Variants in ATG7 observed in about 807,000 individuals in gnomAD.
The protein encoded by ATG7 is autophagy related 7.
In ATG7, 70 loss-of-function variants were observed where a neutral mutation model predicts 82.4. The ratio of observed to expected loss-of-function variants is 0.85; its 90% CI spans 0.70 to 1.04. The LOEUF (loss-of-function observed/expected upper bound fraction) is 1.04, where lower values mean the gene tolerates loss of function less well. ATG7 is among the 50% of genes least tolerant of loss of function. The pLI is 0.00. For synonymous variants in ATG7, 287 were observed against 313.0 expected (o/e 0.92, Z 0.88); for missense variants, 792 against 864.3 (o/e 0.92, Z 1.05).
intron 19 of ATG7, among the ~76,000 whole-genome samples, chr3:11,426,191 C>T (rs541137041): frequency 2.9e-4 from 44 of 152,240 alleles, no homozygotes; most frequent in Non-Finnish European, 5.3e-4. Flanking sequence ...CACATCCTTG[C>T]CAGCACTTGG....
intron 20 of ATG7, among the ~76,000 whole-genome samples, chr3:11,511,965 G>C (rs563875594): frequency 6.6e-6 from 1 of 152,212 alleles, no homozygotes; most frequent in East Asian, 1.9e-4. Context: ...CCTGGTTCCC[G>C]CTCGTGCCTC....
At chr3:11,538,890 G>T (rs1052307222) in intron 20 of ATG7, among the ~76,000 whole-genome samples, 7 of 149,286 alleles carry the variant, frequency 4.7e-5, no homozygotes, top group Non-Finnish European at 8.9e-5. Context: ...AAAAGAAAAA[G>T]AAAAAGCCCT....
At chr3:11,491,578 C>G (rs1372264647) in intron 20 of ATG7, among the ~76,000 whole-genome samples, 1 of 152,244 alleles carries the variant, frequency 6.6e-6, no homozygotes. Flanking sequence ...TTTTTCTGCT[C>G]TGTTTTTTCC....
At chr3:11,550,519 C>CTGAGT (rs2071677117) in intron 20 of ATG7, among the ~76,000 whole-genome samples, 1 of 152,096 alleles carries the variant, frequency 6.6e-6, no homozygotes, top group African/African-American at 2.4e-5. Context: ...CTCCTATCTC[C>CTGAGT]TGAGTTGCTG....
intron 20 of ATG7, among the ~76,000 whole-genome samples, chr3:11,506,423 T>G (rs1338743188): frequency 6.6e-6 from 1 of 152,112 alleles, no homozygotes; most frequent in South Asian, 2.1e-4. Context: ...ATAAAACATT[T>G]CCATCATTGG....
intron 3 of ATG7, among the ~76,000 whole-genome samples, chr3:11,291,864 C>G (rs534943165): frequency 6.6e-6 from 1 of 152,294 alleles, no homozygotes; most frequent in African/African-American, 2.4e-5. Context: ...CTAGGAACAT[C>G]AGCCATGCAG....
the ATG7 span, among the ~76,000 whole-genome samples, chr3:11,570,863 A>G: frequency 6.6e-6 from 1 of 152,202 alleles, no homozygotes; most frequent in Non-Finnish European, 1.5e-5. Flanking sequence ...GAGTGAACTC[A>G]TCACCGTGGC....
chr3:11,433,070 T>C (rs537163246), intron 20 of ATG7, among the ~76,000 whole-genome samples: 2 of 152,040 alleles, frequency 1.3e-5, no homozygotes, highest in East Asian at 1.9e-4. Context: ...GTTGGGAGGA[T>C]TGCTTGGGTC....
intron 19 of ATG7, among the ~76,000 whole-genome samples, chr3:11,395,808 T>C (rs1054033684): frequency 2.4e-4 from 36 of 151,284 alleles, no homozygotes; most frequent in East Asian, 7.8e-4. Flanking sequence ...GGCGTGGTGG[T>C]GGGCGCCTGT....
chr3:11,406,135 G>A (rs1286875265), intron 19 of ATG7, among the ~76,000 whole-genome samples: 3 of 151,838 alleles, frequency 2.0e-5, no homozygotes, highest in Admixed American at 6.6e-5. Flanking sequence ...GACTATAGGC[G>A]CACATCCCCA....
chr3:11,478,491 G>A (rs2088525056), intron 20 of ATG7, among the ~76,000 whole-genome samples: 1 of 152,146 alleles, frequency 6.6e-6, no homozygotes, highest in Admixed American at 6.5e-5. Context: ...ACATTATCAT[G>A]AGGGATTTGG....
At chr3:11,345,744 T>A (rs1039770777) in intron 13 of ATG7, among the ~76,000 whole-genome samples, 25 of 152,234 alleles carry the variant, frequency 1.6e-4, no homozygotes, top group African/African-American at 5.5e-4. Flanking sequence ...GCTTTCAGAT[T>A]CGTAAATATC....
At chr3:11,323,179 T>C (rs1229778959) in intron 9 of ATG7, among the ~76,000 whole-genome samples, 1 of 152,204 alleles carries the variant, frequency 6.6e-6, no homozygotes, top group Admixed American at 6.5e-5. Flanking sequence ...GAGGTAGGAA[T>C]AGTCCTGTTT....
At chr3:11,414,218 A>G (rs2081168895) in intron 19 of ATG7, among the ~76,000 whole-genome samples, 1 of 152,082 alleles carries the variant, frequency 6.6e-6, no homozygotes, top group Admixed American at 6.5e-5. Flanking sequence ...GGTGCACACC[A>G]CCACACCTAG....
the ATG7 span, among the ~76,000 whole-genome samples, chr3:11,574,785 A>ATGTGTGTGTGTGTGTG: frequency 1.1e-3 from 138 of 121,772 alleles, no homozygotes; most frequent in East Asian, 9.7e-3. Context: ...TCAACTATAT[A>ATGTGTGTGTGTGTGTG]TGTGTGTGTG....
chr3:11,453,284 CT>C (rs1400830472), intron 20 of ATG7, among the ~76,000 whole-genome samples: 1 of 152,204 alleles, frequency 6.6e-6, no homozygotes, highest in Non-Finnish European at 1.5e-5. Context: ...GCTTTAGTAA[CT>C]TTTTTTCCAC....
At chr3:11,284,034 A>C (rs1312775061) in intron 3 of ATG7, among the ~76,000 whole-genome samples, 2 of 152,200 alleles carry the variant, frequency 1.3e-5, no homozygotes, top group East Asian at 1.9e-4. Flanking sequence ...TAGCATTGTC[A>C]GGCTGGTTTA....
the ATG7 span, among the ~76,000 whole-genome samples, chr3:11,573,281 A>G: frequency 0.28 from 4,707 of 17,108 alleles, 633 homozygotes; most frequent in South Asian, 0.47. Context: ...GAAAGAAAGA[A>G]AGAAAGAAAG....
chr3:11,510,928 G>A (rs929906692), intron 20 of ATG7, among the ~76,000 whole-genome samples: 2 of 152,070 alleles, frequency 1.3e-5, no homozygotes, highest in Non-Finnish European at 2.9e-5. Context: ...ATGAAGCCGC[G>A]GACCCTCGCG....
Sources: gnomAD v4.1 joint callset for allele counts (sites outside exome capture counted in the v4.1 genomes callset) on GRCh38, gnomAD v4.1.1 for gene constraint, MANE v1.5 for transcripts, NCBI Gene and HGNC (gene_info 2026-07-23, HGNC 2026-07-21) for gene names.